The following KPNA1 variants were observed in gnomAD, a reference collection of about 807,000 sequenced individuals.
KPNA1 encodes the protein karyopherin subunit alpha 1, also known as importin subunit alpha-5.
A neutral mutation model predicts 70.5 loss-of-function variants in KPNA1; 10 were observed. That is an observed-to-expected ratio of 0.14 (90% CI 0.09 to 0.24). The LOEUF (loss-of-function observed/expected upper bound fraction) is 0.24. Ranked by LOEUF, KPNA1 falls within the 10% of genes least tolerant of loss-of-function variation. The probability of loss-of-function intolerance (pLI) is 1.00; values close to 1 mark genes in which losing one functional copy is unlikely to be tolerated. For synonymous variants in KPNA1, 192 were observed against 221.9 expected, an observed-to-expected ratio of 0.87 and a Z score of 1.20; for missense variants, 397 against 637.9, an observed-to-expected ratio of 0.62 and a Z score of 4.07.
chr3:122,510,335 T>C (rs954445177), intron 1 of KPNA1, among the ~76,000 whole-genome samples: 2 of 152,106 alleles, frequency 1.3e-5, no homozygotes, highest in African/African-American at 2.4e-5. Context: ...AAAAGAGAAG[T>C]CCCTGGATAA....
intron 2 of KPNA1, among the ~76,000 whole-genome samples, chr3:122,486,265 T>G (rs2076627726): frequency 6.6e-6 from 1 of 152,162 alleles, no homozygotes; most frequent in African/African-American, 2.4e-5. Context: ...TTGTTGTTTA[T>G]CCATACAAAA....
intron 2 of KPNA1, among the ~76,000 whole-genome samples, chr3:122,470,975 A>C (rs926242669): frequency 6.6e-6 from 1 of 152,212 alleles, no homozygotes; most frequent in Non-Finnish European, 1.5e-5. Flanking sequence ...TACATCTTGG[A>C]GTCATCCTAT....
At chr3:122,486,110 A>G (rs2076626421) in intron 2 of KPNA1, among the ~76,000 whole-genome samples, 1 of 152,218 alleles carries the variant, frequency 6.6e-6, no homozygotes. Flanking sequence ...ACCCAGCCAT[A>G]TCACTTCTAG....
At chr3:122,501,228 C>T (rs2076825916) in intron 1 of KPNA1, among the ~76,000 whole-genome samples, 1 of 151,938 alleles carries the variant, frequency 6.6e-6, no homozygotes. Flanking sequence ...GAGGTTTCAC[C>T]ATGTTGGCCA....
intron 5 of KPNA1, among the ~76,000 whole-genome samples, chr3:122,460,811 T>A (rs1452436002): frequency 6.6e-6 from 1 of 152,002 alleles, no homozygotes; most frequent in African/African-American, 2.4e-5. Flanking sequence ...GAGGAAGAAT[T>A]AATTAGGAAC....
intron 9 of KPNA1, among the ~76,000 whole-genome samples, chr3:122,448,639 T>C (rs888299668): frequency 4.6e-5 from 7 of 151,906 alleles, no homozygotes; most frequent in Admixed American, 2.6e-4. Context: ...AAATACCTAA[T>C]GTAAATGACG....
At chr3:122,480,522 A>G (rs747436743) in intron 2 of KPNA1, among the ~76,000 whole-genome samples, 26 of 152,212 alleles carry the variant, frequency 1.7e-4, no homozygotes, top group Admixed American at 5.2e-4. Context: ...TGAATTCATC[A>G]TAACAGACCA....
intron 12 of KPNA1, chr3:122,432,631 C>G (rs2075926646): frequency 6.6e-6 from 1 of 152,126 alleles, no homozygotes; most frequent in African/African-American, 2.4e-5. Flanking sequence ...AAAGTTAAGA[C>G]TGGCTGAGTC....
chr3:122,446,791 AAAGAG>A (rs1200212115), intron 9 of KPNA1, among the ~76,000 whole-genome samples: 6 of 152,218 alleles, frequency 3.9e-5, no homozygotes, highest in African/African-American at 9.6e-5. Flanking sequence ...CTAATAAAGA[AAAGAG>A]AAAAGAATCA....
At chr3:122,501,793 T>C (rs772442950) in intron 1 of KPNA1, among the ~76,000 whole-genome samples, 12 of 152,234 alleles carry the variant, frequency 7.9e-5, no homozygotes, top group Non-Finnish European at 1.2e-4. Flanking sequence ...CAAGTTGTTC[T>C]GTCCTCTACT....
chr3:122,490,618 T>C (rs541792763), intron 2 of KPNA1, among the ~76,000 whole-genome samples: 26 of 152,312 alleles, frequency 1.7e-4, no homozygotes, highest in Non-Finnish European at 2.9e-4. Flanking sequence ...CTTCTTTGCT[T>C]TATAAAATAT....
At chr3:122,481,724 CAGAA>C (rs1211351711) in intron 2 of KPNA1, among the ~76,000 whole-genome samples, 3 of 152,202 alleles carry the variant, frequency 2.0e-5, no homozygotes, top group Non-Finnish European at 4.4e-5. Context: ...TGCTAGCTAA[CAGAA>C]AGCTGGAGTG....
intron 1 of KPNA1, among the ~76,000 whole-genome samples, chr3:122,506,685 T>C (rs1486604003): frequency 6.6e-6 from 1 of 152,194 alleles, no homozygotes; most frequent in Non-Finnish European, 1.5e-5. Flanking sequence ...CTCTAACCAA[T>C]AATCCAATGG....
chr3:122,501,363 T>C (rs2076827687), intron 1 of KPNA1, among the ~76,000 whole-genome samples: 1 of 152,150 alleles, frequency 6.6e-6, no homozygotes, highest in Admixed American at 6.5e-5. Flanking sequence ...CAACTAAGTT[T>C]CCCTTTAAGC....
At chr3:122,468,014 CT>C (rs1319791097) in intron 2 of KPNA1, among the ~76,000 whole-genome samples, 21 of 152,296 alleles carry the variant, frequency 1.4e-4, no homozygotes, top group African/African-American at 5.1e-4. Context: ...CCATTATATC[CT>C]TATGAATCCT....
At chr3:122,503,668 C>T (rs1255963151) in intron 1 of KPNA1, among the ~76,000 whole-genome samples, 1 of 152,118 alleles carries the variant, frequency 6.6e-6, no homozygotes, top group Non-Finnish European at 1.5e-5. Flanking sequence ...ATAGTTTATA[C>T]TTGGGAGTTA....
intron 2 of KPNA1, among the ~76,000 whole-genome samples, chr3:122,476,861 CAAAA>C (rs144118691): frequency 3.3e-3 from 215 of 65,510 alleles, no homozygotes; most frequent in African/African-American, 0.011. Flanking sequence ...GGAGGTTCCA[CAAAA>C]AAAAAAAAAA....
intron 5 of KPNA1, among the ~76,000 whole-genome samples, chr3:122,454,337 C>A (rs2107739091): frequency 6.6e-6 from 1 of 152,154 alleles, no homozygotes; most frequent in East Asian, 1.9e-4. Context: ...TGGCATTATA[C>A]CATATTTTCT....
intron 9 of KPNA1, among the ~76,000 whole-genome samples, chr3:122,445,071 G>A (rs1442582426): frequency 6.6e-6 from 1 of 152,228 alleles, no homozygotes; most frequent in Non-Finnish European, 1.5e-5. Context: ...GTTGACAGAA[G>A]TAGGCTTCAG....
Sources: allele counts gnomAD v4.1 joint callset (sites outside exome capture counted in the v4.1 genomes callset), GRCh38; gene constraint gnomAD v4.1.1; transcripts MANE v1.5; gene names NCBI Gene and HGNC (gene_info 2026-07-23, HGNC 2026-07-21).